MCTP2: variants seen among roughly 807,000 people sequenced by gnomAD.
MCTP2 encodes the protein multiple C2 and transmembrane domain-containing protein 2.
In MCTP2, 132 loss-of-function variants were observed where a neutral mutation model predicts 111.6. The ratio of observed to expected loss-of-function variants is 1.18; its 90% confidence interval spans 1.03 to 1.37. The LOEUF is 1.37. Ranked by LOEUF, MCTP2 falls within the 40% of genes most tolerant of loss-of-function variation. The probability of loss-of-function intolerance (pLI) is 0.00; values close to 1 mark genes in which losing one functional copy is unlikely to be tolerated. For synonymous variants in MCTP2, 395 were observed against 387.7 expected, an observed-to-expected ratio of 1.02 and a Z score of -0.22; for missense variants, 1,183 against 1,067.9, an observed-to-expected ratio of 1.11 and a Z score of -1.50.
chr15:94,339,399 A>C lies in MCTP2; in HGVS notation c.747A>C (p.Pro249=), dbSNP rs145685062. The part of the protein sequence containing the change: ...NPVWDEIVVL[P]IQSLDQKLRV... ...TATGGGATGAGATAGTTGTATTGCC[A>C]ATCCAAAGCCTTGATCAAAAGCTAC... The change falls in exon 5 of 23, where the codon CCA becomes CCC. Residue 249 remains proline, a synonymous_variant. Coordinates refer to ENST00000357742, the MANE Select transcript of MCTP2 (RefSeq NM_001385001.1). 7.5e-5 allele frequency: 120 copies of C among 1,609,252 alleles called. No individual in the cohort carries two copies. The highest frequency in any genetic ancestry group is 9.8e-5 in the Non-Finnish European group (116 of 1,178,078).
intron 1 of MCTP2, among the ~76,000 whole-genome samples, chr15:94,242,954 T>A (rs1184178924): frequency 9.4e-6 from 1 of 106,356 alleles, no homozygotes; most frequent in Non-Finnish European, 2.1e-5. Flanking sequence ...TAGATACACA[T>A]ATACACGTGT....
intron 4 of MCTP2, among the ~76,000 whole-genome samples, chr15:94,328,268 A>C (rs1054998044): frequency 2.6e-5 from 4 of 151,384 alleles, no homozygotes; most frequent in African/African-American, 9.7e-5. Context: ...AGCTGGGACT[A>C]CAGGTGCCCG....
At chr15:94,342,737 T>G (rs1409845331) in intron 7 of MCTP2, 1 of 151,072 alleles carries the variant, frequency 6.6e-6, no homozygotes, top group Non-Finnish European at 1.5e-5. Context: ...CACATATATA[T>G]TTATATATAC....
intron 1 of MCTP2, among the ~76,000 whole-genome samples, chr15:94,246,364 G>A (rs555218792): frequency 3.2e-4 from 48 of 152,212 alleles, no homozygotes; most frequent in Admixed American, 1.4e-3. Flanking sequence ...TGAATGAGTC[G>A]TCTAATAGTA....
intron 17 of MCTP2, 93 bp downstream of exon 17, chr15:94,402,112 G>T: frequency 6.8e-7 from 1 of 1,474,062 alleles, no homozygotes; most frequent in Non-Finnish European, 9.1e-7. Flanking sequence ...ATTACGTGGG[G>T]GTTGTCTTTC....
At chr15:94,364,670 A>G (rs1453980549) in intron 10 of MCTP2, among the ~76,000 whole-genome samples, 2 of 152,228 alleles carry the variant, frequency 1.3e-5, no homozygotes, top group African/African-American at 4.8e-5. Context: ...GGGAGGTTGG[A>G]TGAATATTTT....
At chr15:94,337,494 A>C (rs538039300) in intron 4 of MCTP2, among the ~76,000 whole-genome samples, 4 of 139,806 alleles carry the variant, frequency 2.9e-5, no homozygotes, top group African/African-American at 1.1e-4. Context: ...GTTTTCCCCC[A>C]CTTTTTTATA....
At chr15:94,432,464 T>G (rs2083245535) in intron 17 of MCTP2, among the ~76,000 whole-genome samples, 1 of 152,172 alleles carries the variant, frequency 6.6e-6, no homozygotes. Context: ...TTGACCAATG[T>G]TGGGTCAAAG....
chr15:94,474,335 G>C (rs904715425), intron 21 of MCTP2, among the ~76,000 whole-genome samples: 1 of 152,106 alleles, frequency 6.6e-6, no homozygotes, highest in African/African-American at 2.4e-5. Flanking sequence ...CCTCTGCATT[G>C]TTGTAGAATT....
intron 17 of MCTP2, among the ~76,000 whole-genome samples, chr15:94,420,877 G>T (rs1481486500): frequency 1.3e-5 from 2 of 152,156 alleles, no homozygotes; most frequent in African/African-American, 2.4e-5. Context: ...CTATGGGTAA[G>T]ATGCTGTCAA....
At chr15:94,331,081 A>G (rs1567443242) in intron 4 of MCTP2, among the ~76,000 whole-genome samples, 1 of 152,224 alleles carries the variant, frequency 6.6e-6, no homozygotes, top group Non-Finnish European at 1.5e-5. Flanking sequence ...AATTAGTTCA[A>G]TCATCTATTC....
Position 94,339,331 on chromosome 15 carries a change from A to G in MCTP2, c.679A>G (p.Thr227Ala), listed in dbSNP as rs2077518514. ...TGTGAAATTTAAGCTGAATGGGAAG[A>G]CGCTGTACAAAAGTAAAGTCATATA... ...PYVKFKLNGK[T>A]LYKSKVIYKN... Residue 227 changes from threonine to alanine, a missense_variant, in exon 5 of 23, where the codon ACG becomes GCG. Coordinates refer to ENST00000357742, the MANE Select transcript of MCTP2 (RefSeq NM_001385001.1). 6.2e-6 allele frequency: 10 copies of G among 1,611,256 alleles called. No individual in the cohort carries two copies. The South Asian group carries it at 8.8e-5, about 14-fold the overall frequency.
chr15:94,356,139 C>A lies in MCTP2; in HGVS notation c.1008C>A (p.Ser336=). The change falls in exon 9 of 23, where the codon TCC becomes TCA. Residue 336 remains serine (S), a splice_region_variant and synonymous_variant. Coordinates refer to ENST00000357742, the MANE Select transcript of MCTP2 (RefSeq NM_001385001.1). ...GTCATCTTTATTTTTTGCTTTAGTC[C>A]TCTTTGATACGCAACCTACGGCTCT... ...SNRKRLSASK[S]SLIRNLRLSE... The A allele has an allele frequency of 1.3e-6, 2 of 1,583,214 alleles. No individual in the cohort carries two copies. The highest frequency in any genetic ancestry group is 8.6e-7 in the Non-Finnish European group (1 of 1,165,532).
intron 2 of MCTP2, among the ~76,000 whole-genome samples, chr15:94,300,059 A>G (rs989991704): frequency 6.6e-6 from 1 of 152,246 alleles, no homozygotes; most frequent in African/African-American, 2.4e-5. Flanking sequence ...GGTCAGTATA[A>G]GGAAGGTAAC....
chr15:94,376,280 G>A (rs947445455), intron 12 of MCTP2, among the ~76,000 whole-genome samples: 8 of 152,100 alleles, frequency 5.3e-5, no homozygotes, highest in Admixed American at 1.3e-4. Context: ...CTTTTCCATG[G>A]GCCCTGGATT....
intron 1 of MCTP2, among the ~76,000 whole-genome samples, chr15:94,295,285 G>A (rs896919573): frequency 6.6e-6 from 1 of 152,224 alleles, no homozygotes; most frequent in African/African-American, 2.4e-5. Flanking sequence ...ATCTTGATGA[G>A]TCTCTTTGGG....
chr15:94,397,591 G>C (rs2081344753), intron 14 of MCTP2, among the ~76,000 whole-genome samples: 1 of 152,188 alleles, frequency 6.6e-6, no homozygotes, highest in African/African-American at 2.4e-5. Context: ...CTTCCTCTTA[G>C]CTGCTGGCCA....
chr15:94,365,214 G>A (rs916584750), intron 10 of MCTP2, among the ~76,000 whole-genome samples: 4 of 152,170 alleles, frequency 2.6e-5, no homozygotes, highest in Non-Finnish European at 5.9e-5. Flanking sequence ...CACTGAGAAA[G>A]TACAAGTAAA....
At position 94,298,706 on chromosome 15, in the gene MCTP2, A is replaced by G. The variant is rs751944398; in HGVS notation, c.441A>G (p.Gly147=). Residue 147 remains glycine (G), a synonymous_variant, in exon 2 of 23, where the codon GGA becomes GGG. Coordinates refer to ENST00000357742, the MANE Select transcript of MCTP2 (RefSeq NM_001385001.1). ...GIFDLQKTSL[G]GDAPEEPEKL... ...TTGATCTTCAGAAAACTTCCCTTGGAGGGGATGCACCAGAAGAGCCAGAGG... is the reference window on the plus strand; with the variant it reads ...TTGATCTTCAGAAAACTTCCCTTGGGGGGGATGCACCAGAAGAGCCAGAGG... 1.2e-6 allele frequency: 2 copies of G among 1,610,100 alleles called. No individual in the cohort carries two copies. The highest frequency in any genetic ancestry group is 2.7e-5 in the African/African-American group (2 of 74,738).
Sources: gnomAD v4.1 joint callset for allele counts (sites outside exome capture counted in the v4.1 genomes callset) on GRCh38, gnomAD v4.1.1 for gene constraint, MANE v1.5 for transcripts, NCBI Gene and HGNC (gene_info 2026-07-23, HGNC 2026-07-21) for gene names.